ITIH6: variants seen among roughly 807,000 people sequenced by gnomAD.
ITIH6 encodes the protein inter-alpha-trypsin inhibitor heavy chain family member 6.
In ITIH6, 60 loss-of-function variants were observed where a neutral mutation model predicts 58.2. The ratio of observed to expected loss-of-function variants is 1.03; its 90% CI spans 0.84 to 1.28. ITIH6 has a LOEUF of 1.28. ITIH6 is among the 50% of genes most tolerant of loss of function. The probability of loss-of-function intolerance (pLI) is 0.00; values close to 1 mark genes in which losing one functional copy is unlikely to be tolerated. For missense variants in ITIH6, 1,290 were observed against 1,021.1 expected (o/e 1.26, Z -3.59); for synonymous variants, 493 against 417.4 (o/e 1.18, Z -2.21).
chrX:54,765,712 C>T (rs777529445), intron 6 of ITIH6, among the ~76,000 whole-genome samples: 12 of 107,809 alleles, frequency 1.1e-4, no homozygotes, highest in Non-Finnish European at 2.3e-4. Context: ...CACGAAGCGG[C>T]GTTATTTCTG....
Position 54,751,338 on chromosome X carries a change from G to A in ITIH6, c.3395C>T (p.Pro1132Leu), listed in dbSNP as rs768389640. The A allele has an allele frequency of 2.0e-5, 24 of 1,210,266 alleles. No homozygotes were observed. The highest frequency in any genetic ancestry group is 3.0e-5 in the East Asian group (1 of 33,755). ...SGKLLGAPPR[P>L]GHKDQTRTYF... is the part of the protein sequence containing the mutation. ...GGTGCGAGTCTGGTCCTTGTGGCCC[G>A]GCCTTGGTGGTGCGCCAAGCAGCTT... Residue 1132 changes from proline (P) to leucine (L), a missense_variant, in exon 12 of 13, where the codon CCG (proline) becomes CTG (leucine). Physicochemically the swap from Pro to Leu is moderately conservative, Grantham distance 98. Coordinates refer to ENST00000218436, the MANE Select transcript of ITIH6 (RefSeq NM_198510.3).
chrX:54,788,591 G>T lies in ITIH6; in HGVS notation c.675C>A (p.Ile225=), dbSNP rs751766305. The change falls in exon 5 of 13, where the codon ATC becomes ATA. Residue 225 remains isoleucine, a synonymous_variant. Coordinates refer to ENST00000218436, the MANE Select transcript of ITIH6 (RefSeq NM_198510.3). ...RIERGETCVR[I]TYCPTLQDQS... ...GGTCTTGCAATGTCGGGCAGTAGGT[G>T]ATTCGGACACAGGTCTCTCCCCTCT... is the stretch of plus-strand genomic sequence containing the variant. The T allele has an allele frequency of 9.1e-6, 11 of 1,207,865 alleles. No homozygotes were observed. Among genetic ancestry groups the T allele is most frequent in the Admixed American group, 8.7e-5 (4 of 45,722 alleles).
intron 11 of ITIH6, among the ~76,000 whole-genome samples, chrX:54,752,296 C>T (rs751624664): frequency 1.8e-5 from 2 of 111,768 alleles, no homozygotes; most frequent in South Asian, 3.7e-4. Flanking sequence ...TTGAAAAGAG[C>T]CCCTATCAGA....
intron 1 of ITIH6, among the ~76,000 whole-genome samples, chrX:54,797,737 C>T (rs185033801): frequency 1.8e-5 from 2 of 111,394 alleles, no homozygotes; most frequent in African/African-American, 6.5e-5. Context: ...GTCCCTCTAT[C>T]TACCCACACG....
intron 5 of ITIH6, among the ~76,000 whole-genome samples, chrX:54,776,875 G>A (rs191972457): frequency 1.8e-5 from 2 of 112,006 alleles, no homozygotes; most frequent in Admixed American, 1.9e-4. Context: ...AAGCTGCGGT[G>A]GCTATTGGGA....
chrX:54,775,412 G>C (rs1929032780), intron 5 of ITIH6, among the ~76,000 whole-genome samples: 1 of 110,772 alleles, frequency 9.0e-6, no homozygotes, highest in African/African-American at 3.3e-5. Flanking sequence ...AGAGAATTAA[G>C]AGCATGGAGC....
chrX:54,757,986 G>A lies in ITIH6; in HGVS notation c.2088C>T (p.Thr696=). The A allele has an allele frequency of 2.5e-6, 3 of 1,211,810 alleles. No homozygotes were observed. The South Asian group carries it at 5.3e-5, about 21-fold the overall frequency. ...CCTTTGGGTATGTGGGCATTGACAG[G>A]GTATGAGGGCTCTCTCCCAATGGCT... ...ELEPLGESPH[T]LSMPTYPKAK... is the part of the protein sequence containing the mutation. Residue 696 remains threonine (T), a synonymous_variant, in exon 8 of 13, where the codon ACC becomes ACT. Coordinates refer to ENST00000218436, the MANE Select transcript of ITIH6 (RefSeq NM_198510.3).
intron 5 of ITIH6, among the ~76,000 whole-genome samples, chrX:54,785,751 C>T (rs1417878914): frequency 8.9e-6 from 1 of 111,780 alleles, no homozygotes; most frequent in Non-Finnish European, 1.9e-5. Flanking sequence ...AATGATTATG[C>T]TGGTGCAGCT....
intron 5 of ITIH6, among the ~76,000 whole-genome samples, chrX:54,774,839 G>A (rs1929022797): frequency 8.9e-6 from 1 of 111,962 alleles, no homozygotes; most frequent in Admixed American, 9.4e-5. Flanking sequence ...CCTCGGGGCT[G>A]GGACAGCTGA....
At chrX:54,764,375 T>A (rs191537556) in intron 6 of ITIH6, among the ~76,000 whole-genome samples, 4 of 108,061 alleles carry the variant, frequency 3.7e-5, no homozygotes, top group African/African-American at 1.4e-4. Context: ...CGTCATCTAG[T>A]ATTAGGTATA....
At position 54,757,287 on chromosome X, in the gene ITIH6, C is replaced by T; in HGVS notation, c.2787G>A (p.Met929Ile). ...TTSVLGEPLP[M>I]PFTPTLPPGR... ...CAGGGGGCAGAGTGGGAGTAAAGGG[C>T]ATGGGGAGGGGTTCTCCAAGGACAG... The change falls in exon 8 of 13, where the codon ATG (methionine) becomes ATA (isoleucine). Residue 929 changes from methionine (M) to isoleucine (I), a missense_variant. Coordinates refer to ENST00000218436, the MANE Select transcript of ITIH6 (RefSeq NM_198510.3). 8.4e-7 allele frequency: 1 copy of T among 1,193,648 alleles called. No individual in the cohort carries two copies. Among genetic ancestry groups the T allele is most frequent in the Non-Finnish European group, 1.1e-6 (1 of 886,440 alleles).
chrX:54,772,259 A>G (rs1342763880), intron 6 of ITIH6, among the ~76,000 whole-genome samples: 1 of 112,591 alleles, frequency 8.9e-6, no homozygotes, highest in Admixed American at 9.4e-5. Context: ...CAGAAAACCA[A>G]TGCTACATAT....
chrX:54,794,347 GT>G (rs1230563329), intron 2 of ITIH6, among the ~76,000 whole-genome samples: 1 of 110,914 alleles, frequency 9.0e-6, no homozygotes, highest in African/African-American at 3.3e-5. Flanking sequence ...ATCTGTTGGT[GT>G]TTTTTTCAAC....
Position 54,758,917 on chromosome X carries a change from A to C in ITIH6, c.1157T>G (p.Val386Gly), listed in dbSNP as rs527802541. The C allele has an allele frequency of 8.3e-7, 1 of 1,207,997 alleles. No homozygotes were observed. The highest frequency in any genetic ancestry group is 1.8e-5 in the South Asian group (1 of 56,214). ...GAAGATGATAAGAGGGATCCTCCCC[A>C]CACTGGGGCCCCTCCCAGGCTCCTG... The part of the protein sequence containing the change: ...SNQEPGRGPS[V>G]GRIPLIIFLT... The change falls in exon 8 of 13, where the codon GTG becomes GGG. Residue 386 changes from valine (V) to glycine (G), a missense_variant. Coordinates refer to ENST00000218436, the MANE Select transcript of ITIH6 (RefSeq NM_198510.3).
chrX:54,776,599 CCAGCTCAGCTG>C (rs1339342416), intron 5 of ITIH6, among the ~76,000 whole-genome samples: 1 of 110,696 alleles, frequency 9.0e-6, no homozygotes, highest in Non-Finnish European at 1.9e-5. Context: ...ATCTTGTATA[CCAGCTCAGCTG>C]CAGCAGGATA....
At chrX:54,762,313 G>T (rs890966176) in intron 6 of ITIH6, among the ~76,000 whole-genome samples, 1 of 111,525 alleles carries the variant, frequency 9.0e-6, no homozygotes, top group African/African-American at 3.3e-5. Context: ...TGCTGAAGTT[G>T]CTTATCAGCT....
intron 2 of ITIH6, among the ~76,000 whole-genome samples, chrX:54,794,439 G>C (rs1442527605): frequency 9.0e-6 from 1 of 111,214 alleles, no homozygotes; most frequent in Non-Finnish European, 1.9e-5. Context: ...GCCCCCCATA[G>C]TCCAAACCCA....
chrX:54,769,072 T>C (rs1486097699), intron 6 of ITIH6, among the ~76,000 whole-genome samples: 1 of 101,913 alleles, frequency 9.8e-6, no homozygotes, highest in Non-Finnish European at 2.0e-5. Context: ...GAGGCTTTGC[T>C]CATTTCTTTT....
rs779453609 is a variant in ITIH6, at chrX:54,757,988, T to A, written c.2086A>T (p.Thr696Ser). The part of the protein sequence containing the change: ...ELEPLGESPH[T>S]LSMPTYPKAK... ...TTTGGGTATGTGGGCATTGACAGGG[T>A]ATGAGGGCTCTCTCCCAATGGCTCC... Residue 696 changes from threonine to serine, a missense_variant, in exon 8 of 13, where the codon ACC becomes TCC. By Grantham distance (58) the Thr-to-Ser change is moderately conservative. Transcript: ENST00000218436. The A allele has an allele frequency of 6.6e-6, 8 of 1,211,403 alleles. No homozygotes were observed. The highest frequency in any genetic ancestry group is 7.8e-6 in the Non-Finnish European group (7 of 895,349).
Sources: gnomAD v4.1 joint callset for allele counts (sites outside exome capture counted in the v4.1 genomes callset) on GRCh38, gnomAD v4.1.1 for gene constraint, MANE v1.5 for transcripts, NCBI Gene and HGNC (gene_info 2026-07-23, HGNC 2026-07-21) for gene names.